The following PRKAG2 variants were observed in gnomAD, a reference collection of about 807,000 sequenced individuals.
PRKAG2 encodes the protein 5'-AMP-activated protein kinase subunit gamma-2.
In PRKAG2, 26 loss-of-function variants were observed where a neutral mutation model predicts 69.6. That is an observed-to-expected ratio of 0.37 (90% CI 0.27 to 0.52). The LOEUF (loss-of-function observed/expected upper bound fraction) is 0.52. Ranked by LOEUF, PRKAG2 falls within the 20% of genes least tolerant of loss-of-function variation. The pLI is 0.90. For missense variants in PRKAG2, 557 were observed against 740.0 expected, an observed-to-expected ratio of 0.75 and a Z score of 2.87; for synonymous variants, 293 against 285.0, an observed-to-expected ratio of 1.03 and a Z score of -0.28.
intron 5 of PRKAG2, among the ~76,000 whole-genome samples, chr7:151,597,085 C>A (rs1814731867): frequency 1.3e-5 from 2 of 152,174 alleles, no homozygotes; most frequent in Admixed American, 1.3e-4. Flanking sequence ...AACAGACACA[C>A]AGACAAAGAG....
intron 6 of PRKAG2, among the ~76,000 whole-genome samples, chr7:151,580,802 A>AGTGGGG (rs1810246569): frequency 9.8e-6 from 1 of 101,816 alleles, no homozygotes; most frequent in Non-Finnish European, 1.8e-5. Flanking sequence ...AAGGGAGGGT[A>AGTGGGG]GTGGGGGTGG....
In PRKAG2 at chr7:151,564,097, T is replaced by C. The variant is rs2150988481; in HGVS notation, c.1565A>G (p.Asp522Gly). 1.2e-6 allele frequency: 2 copies of C among 1,614,138 alleles called. No individual in the cohort carries two copies. Among genetic ancestry groups the C allele is most frequent in the Non-Finnish European group, 1.7e-6 (2 of 1,180,026 alleles). The part of the protein sequence containing the change: ...NKLEILETIV[D>G]RIVRAEVHRL... ...TCTCACCTCAGCTCTTACTATTCTG[T>C]CCACGATGGTCTCCAGTATTTCCAG... The change falls in exon 14 of 16, where the codon GAC (aspartate) becomes GGC (glycine). Residue 522 changes from aspartate to glycine, a missense_variant. Physicochemically the swap from Asp to Gly is moderately conservative, Grantham distance 94 (BLOSUM62 -1). Transcript: ENST00000287878.
intron 3 of PRKAG2, among the ~76,000 whole-genome samples, chr7:151,750,131 G>C (rs527483576): frequency 1.3e-5 from 2 of 150,830 alleles, no homozygotes; most frequent in East Asian, 3.9e-4. Context: ...CTGAACCGTT[G>C]GCAAGGATAT....
At chr7:151,678,747 TTA>T (rs1554533179) in intron 3 of PRKAG2, among the ~76,000 whole-genome samples, 1 of 152,016 alleles carries the variant, frequency 6.6e-6, no homozygotes, top group African/African-American at 2.4e-5. Flanking sequence ...CCACCTGAGG[TTA>T]GGAGTTCAAG....
chr7:151,776,865 C>T lies in PRKAG2; in HGVS notation c.466+4287G>A, dbSNP rs377592415. On this transcript the variant is annotated intron_variant, in intron 3 of 15. Transcript: ENST00000287878. ...GCTATGAGTGGACTGTGGGCCCCTA[C>T]CCAGCAATGAGGCCTTCAGGTACAT... Among the ~76,000 whole-genome samples the T allele has an allele frequency of 1.2e-4, 19 of 152,246 alleles. No individual in the cohort carries two copies. The East Asian group carries it at 3.1e-3, about 25-fold the overall frequency.
chr7:151,805,375 A>C (rs772125950), intron 1 of PRKAG2, among the ~76,000 whole-genome samples: 1 of 152,220 alleles, frequency 6.6e-6, no homozygotes, highest in African/African-American at 2.4e-5. Flanking sequence ...AGGATGTGCC[A>C]GGCTCAGCTG....
intron 1 of PRKAG2, among the ~76,000 whole-genome samples, chr7:151,864,737 G>A (rs2080019755): frequency 6.6e-6 from 1 of 152,056 alleles, no homozygotes; most frequent in African/African-American, 2.4e-5. Context: ...CAAATGGGAG[G>A]GCTCAGGTGA....
chr7:151,862,736 C>T (rs1207972578), intron 1 of PRKAG2, among the ~76,000 whole-genome samples: 2 of 152,224 alleles, frequency 1.3e-5, no homozygotes, highest in Non-Finnish European at 2.9e-5. Flanking sequence ...CGTGGTGTGG[C>T]TCCCGGATCC....
intron 12 of PRKAG2, 104 bp downstream of exon 12, chr7:151,565,616 C>A: frequency 6.8e-7 from 1 of 1,478,854 alleles, no homozygotes; most frequent in African/African-American, 1.4e-5. Flanking sequence ...TCACCATACC[C>A]AAGTTTTCAT....
intron 3 of PRKAG2, among the ~76,000 whole-genome samples, chr7:151,682,577 T>A (rs1834042272): frequency 6.6e-6 from 1 of 152,154 alleles, no homozygotes; most frequent in African/African-American, 2.4e-5. Flanking sequence ...TTCTTAATCA[T>A]AAGGTCAACT....
intron 6 of PRKAG2, among the ~76,000 whole-genome samples, chr7:151,580,776 G>A (rs1810233668): frequency 7.0e-6 from 1 of 142,532 alleles, no homozygotes; most frequent in Non-Finnish European, 1.5e-5. Context: ...TAGAATGATG[G>A]TTACCAGAGG....
intron 5 of PRKAG2, among the ~76,000 whole-genome samples, chr7:151,629,123 TTG>T (rs1182909048): frequency 1.5e-4 from 23 of 152,192 alleles, no homozygotes; most frequent in African/African-American, 5.5e-4. Flanking sequence ...GCCCCTTGGA[TTG>T]TGTTAGCTGC....
chr7:151,671,271 T>C (rs980037386), intron 4 of PRKAG2, among the ~76,000 whole-genome samples: 1 of 151,988 alleles, frequency 6.6e-6, no homozygotes, highest in African/African-American at 2.4e-5. Flanking sequence ...TGGGAACAGA[T>C]TTTATAAAAA....
At chr7:151,558,864 G>T in intron 15 of PRKAG2, 1 of 985,398 alleles carries the variant, frequency 1.0e-6, no homozygotes, top group Non-Finnish European at 1.2e-6. Flanking sequence ...AACTCATCCA[G>T]CACAACCGTT....
At chr7:151,812,947 A>C (rs1264996880) in intron 1 of PRKAG2, among the ~76,000 whole-genome samples, 7 of 137,854 alleles carry the variant, frequency 5.1e-5, no homozygotes, top group Non-Finnish European at 1.1e-4. Context: ...AAAAAAAAAA[A>C]CCACACACAC....
At chr7:151,793,021 C>T (rs889593543) in intron 1 of PRKAG2, among the ~76,000 whole-genome samples, 3 of 152,194 alleles carry the variant, frequency 2.0e-5, no homozygotes, top group African/African-American at 4.8e-5. Flanking sequence ...AGTTTTTCAT[C>T]TGTCAAATGA....
rs553477337 is a variant in PRKAG2, at chr7:151,585,408, T to G, written c.865-8956A>C. On this transcript the variant is annotated intron_variant, in intron 6 of 15. Coordinates refer to ENST00000287878, the MANE Select transcript of PRKAG2 (RefSeq NM_016203.4). ...AAGAGACTATGTCTTTATTGTCAGTTTTTTTGGTACCACTTGACAGAAATT... is the reference window on the plus strand; with the variant it reads ...AAGAGACTATGTCTTTATTGTCAGTGTTTTTGGTACCACTTGACAGAAATT... Among the ~76,000 whole-genome samples, 8 of 152,106 alleles carry G rather than the reference T, an allele frequency of 5.3e-5. No homozygotes were observed. The South Asian group carries it at 1.7e-3, about 32-fold the overall frequency.
chr7:151,662,893 AAAAC>A (rs530657691), intron 4 of PRKAG2, among the ~76,000 whole-genome samples: 64 of 152,126 alleles, frequency 4.2e-4, no homozygotes, highest in Non-Finnish European at 7.6e-4. Context: ...TCTATCTCTA[AAAAC>A]AAACAAATAC....
chr7:151,714,163 G>A (rs562032211), intron 3 of PRKAG2, among the ~76,000 whole-genome samples: 113 of 152,230 alleles, frequency 7.4e-4, no homozygotes, highest in African/African-American at 2.6e-3. Context: ...GGTTGTCATG[G>A]GGAATAAACA....
Sources: allele counts gnomAD v4.1 joint callset (sites outside exome capture counted in the v4.1 genomes callset), GRCh38; gene constraint gnomAD v4.1.1; transcripts MANE v1.5; gene names NCBI Gene and HGNC (gene_info 2026-07-23, HGNC 2026-07-21).